The following POLR2B variants were observed in gnomAD, a reference collection of about 807,000 sequenced individuals.
The protein encoded by POLR2B is RNA polymerase II subunit B, also known as DNA-directed RNA polymerase II subunit RPB2.
POLR2B carries 57 observed loss-of-function variants against 144.6 expected under a neutral mutation model. The ratio of observed to expected loss-of-function variants is 0.39; its 90% CI spans 0.32 to 0.49. The LOEUF (loss-of-function observed/expected upper bound fraction) is 0.49. POLR2B is among the 20% of genes least tolerant of loss of function. The pLI is 0.83. For synonymous variants in POLR2B, 442 were observed against 469.8 expected (o/e 0.94, Z 0.77); for missense variants, 595 against 1,467.4 (o/e 0.41, Z 9.71).
At chr4:57,028,283 A>T (rs1432992718) in intron 23 of POLR2B, among the ~76,000 whole-genome samples, 1 of 152,194 alleles carries the variant, frequency 6.6e-6, no homozygotes, top group South Asian at 2.1e-4. Context: ...GTGCTTATGA[A>T]GTGTTCCATT....
intron 1 of POLR2B, chr4:56,985,592 G>A (rs1395318846): frequency 2.0e-6 from 1 of 488,410 alleles, no homozygotes; most frequent in Admixed American, 6.4e-5. Context: ...AGTAGAGACA[G>A]GGTTTTGCCA....
rs2109713851 is a variant in POLR2B at position 57,022,204 on chromosome 4, C to G, written c.2473C>G (p.Gln825Glu). ...ACAGGAGTCTAAAAAAGGATTTGAT[C>G]AAGAAGAAGTTTTTGAGAAGCCTAC... ...KEQESKKGFD[Q>E]EEVFEKPTRE... Residue 825 changes from glutamine (Q) to glutamate (E), a missense_variant, in exon 18 of 25, where the codon CAA becomes GAA. Physicochemically the swap from Gln to Glu is conservative, Grantham distance 29. Transcript: ENST00000314595. The G allele has an allele frequency of 1.2e-6, 2 of 1,612,506 alleles. No homozygotes were observed. The highest frequency in any genetic ancestry group is 2.2e-5 in the East Asian group (1 of 44,838).
At position 56,978,953 on chromosome 4, in the gene POLR2B, C is replaced by G. The variant is rs1452615014; in HGVS notation, c.-33C>G. On this transcript the variant is annotated 5_prime_UTR_variant, in exon 1 of 25. Coordinates refer to ENST00000314595, the MANE Select transcript of POLR2B (RefSeq NM_000938.3). ...CTGGGCGGTTTTTGTCTTTTGATTT[C>G]AAGAGTTAGGAGCTCGAGAACCGTT... 23 of 1,611,596 alleles carry G rather than the reference C, an allele frequency of 1.4e-5. No individual in the cohort carries two copies. The highest frequency in any genetic ancestry group is 1.8e-5 in the Non-Finnish European group (21 of 1,178,278).
At chr4:57,016,926 A>G (rs1723386708) in intron 14 of POLR2B, 117 bp from the exon 15 acceptor site, 5 of 268,904 alleles carry the variant, frequency 1.9e-5, no homozygotes, top group Middle Eastern at 1.2e-3. Flanking sequence ...ATATATATGT[A>G]TATTTAATAT....
chr4:56,987,040 T>C (rs568920979), intron 2 of POLR2B, among the ~76,000 whole-genome samples: 1 of 152,326 alleles, frequency 6.6e-6, no homozygotes, highest in African/African-American at 2.4e-5. Context: ...TTCTTTTTTT[T>C]ACCTTGACAT....
At chr4:56,980,459 C>T (rs114516940) in intron 1 of POLR2B, among the ~76,000 whole-genome samples, 4,326 of 152,142 alleles carry the variant, frequency 0.028, 86 homozygotes, top group Middle Eastern at 0.054. Flanking sequence ...CAGTGGCTCA[C>T]GCCTGTTATC....
chr4:57,003,318 T>C (rs1236443977), intron 7 of POLR2B, among the ~76,000 whole-genome samples: 1 of 152,092 alleles, frequency 6.6e-6, no homozygotes, highest in Non-Finnish European at 1.5e-5. Flanking sequence ...TTGTCCCAGC[T>C]ACTCAGGAGG....
At position 57,017,836 on chromosome 4, in the gene POLR2B, C is replaced by A; in HGVS notation, c.2323+108C>A. The stretch of plus-strand genomic sequence containing the variant: ...AAATATGACATAGTGCCTGTTCTCA[C>A]GGAATTTATAATATGGTGGGAAACA... On this transcript the variant is annotated intron_variant, in intron 16 of 24. Coordinates refer to ENST00000314595, the MANE Select transcript of POLR2B (RefSeq NM_000938.3). The surrounding 1 kb of genome is among the most constrained non-coding windows in gnomAD (Gnocchi z 4.8). 3.1e-6 allele frequency: 2 copies of A among 653,628 alleles called. No individual in the cohort carries two copies. Among genetic ancestry groups the A allele is most frequent in the Non-Finnish European group, 5.0e-6 (2 of 400,258 alleles). 40.5% of individuals were successfully genotyped at this position (653,628 alleles called of 1,614,324 possible).
intron 3 of POLR2B, among the ~76,000 whole-genome samples, chr4:56,992,492 A>AAAAAAAAAG (rs760090936): frequency 9.0e-5 from 8 of 88,480 alleles, no homozygotes; most frequent in Non-Finnish European, 1.2e-4. Flanking sequence ...AAAAAAAAAA[A>AAAAAAAAAG]GAAAAGAAAA....
chr4:56,994,610 C>T, intron 4 of POLR2B, 37 bp from the exon 5 acceptor site: 2 of 1,461,884 alleles, frequency 1.4e-6, no homozygotes, highest in Non-Finnish European at 1.9e-6. Context: ...TAACAGATAC[C>T]CTATTGCTTA....
At chr4:57,013,256 T>C (rs916932697) in intron 13 of POLR2B, among the ~76,000 whole-genome samples, 2 of 151,468 alleles carry the variant, frequency 1.3e-5, no homozygotes, top group African/African-American at 4.9e-5. Context: ...GGATAACAGG[T>C]GTGAGCCACT....
intron 23 of POLR2B, among the ~76,000 whole-genome samples, 195 bp from the exon 24 acceptor site, chr4:57,030,009 A>G (rs1723860822): frequency 6.6e-6 from 1 of 152,110 alleles, no homozygotes; most frequent in South Asian, 2.1e-4. Flanking sequence ...TGCTTAGCCC[A>G]TTTGGGGACT....
At chr4:57,018,995 T>G (rs1193524247) in intron 16 of POLR2B, among the ~76,000 whole-genome samples, 2 of 152,210 alleles carry the variant, frequency 1.3e-5, no homozygotes, top group African/African-American at 4.8e-5. Flanking sequence ...TGAATGTGGG[T>G]AACATTTGTT....
At chr4:57,019,759 CTTTTT>C (rs71208972) in intron 16 of POLR2B, among the ~76,000 whole-genome samples, 1 of 98,192 alleles carries the variant, frequency 1.0e-5, no homozygotes. Flanking sequence ...CTAATGATGT[CTTTTT>C]TTTTTTTTTT....
rs1429757701 is a variant in POLR2B at position 57,020,950 on chromosome 4, ACT to A, written c.2378_2379del (p.Ser793CysfsTer27). On this transcript the variant is annotated frameshift_variant, in exon 17 of 25. Coordinates refer to ENST00000314595, the MANE Select transcript of POLR2B (RefSeq NM_000938.3). LOFTEE classifies it high-confidence loss of function. ...TCATACACTGGATATAATCAGGAAGACTCTGTTATCATGAATCGTTCAGCTGT... is the reference window on the plus strand; with the variant it reads ...TCATACACTGGATATAATCAGGAAGACTGTTATCATGAATCGTTCAGCTGT... The A allele has an allele frequency of 3.1e-6, 5 of 1,608,208 alleles. No individual in the cohort carries two copies. The highest frequency in any genetic ancestry group is 4.3e-6 in the Non-Finnish European group (5 of 1,174,820).
At chr4:57,004,371 T>A (rs78272732) in intron 7 of POLR2B, among the ~76,000 whole-genome samples, 21,291 of 125,960 alleles carry the variant, frequency 0.17, 1,864 homozygotes, top group East Asian at 0.43. Context: ...TTTTTTTTTT[T>A]ACATCCAGGG....
chr4:56,979,607 C>G (rs1006099875), intron 1 of POLR2B, among the ~76,000 whole-genome samples: 2 of 152,294 alleles, frequency 1.3e-5, no homozygotes, highest in East Asian at 3.9e-4. Flanking sequence ...TGTATAATAC[C>G]TGTTTGTTTG....
chr4:56,985,312 C>G (rs1051500804), intron 1 of POLR2B: 1 of 985,226 alleles, frequency 1.0e-6, no homozygotes, highest in East Asian at 1.1e-4. Context: ...TCAGCTCCTG[C>G]GAGGAGGCGG....
intron 16 of POLR2B, among the ~76,000 whole-genome samples, chr4:57,020,061 T>G (rs1179327630): frequency 1.3e-5 from 2 of 152,178 alleles, no homozygotes; most frequent in African/African-American, 4.8e-5. Flanking sequence ...TTGAGACGGA[T>G]TCTCGCTCTG....
Sources: allele counts gnomAD v4.1 joint callset (sites outside exome capture counted in the v4.1 genomes callset), GRCh38; gene constraint gnomAD v4.1.1; non-coding constraint Gnocchi (gnomAD v3.1); transcripts MANE v1.5; gene names NCBI Gene and HGNC (gene_info 2026-07-23, HGNC 2026-07-21).